Variants in NFIA observed in about 807,000 individuals in gnomAD.
NFIA encodes the protein nuclear factor 1 A-type.
Under a neutral mutation model 62.8 loss-of-function variants are expected in NFIA, and 8 were observed. The ratio of observed to expected loss-of-function variants is 0.13; its 90% CI spans 0.07 to 0.23. The LOEUF is 0.23. Ranked by LOEUF, NFIA falls within the 10% of genes least tolerant of loss-of-function variation. The probability of loss-of-function intolerance (pLI) is 1.00; values close to 1 mark genes in which losing one functional copy is unlikely to be tolerated. For missense variants in NFIA, 410 were observed against 642.1 expected (o/e 0.64, Z 3.91); for synonymous variants, 235 against 238.1 (o/e 0.99, Z 0.12).
chr1:61,083,284 C>T (rs1483306432), intron 1 of NFIA, among the ~76,000 whole-genome samples: 1 of 152,142 alleles, frequency 6.6e-6, no homozygotes, highest in East Asian at 1.9e-4. Context: ...ACCGCTCACC[C>T]CGCACGCTCG....
intron 4 of NFIA, among the ~76,000 whole-genome samples, chr1:61,334,650 A>T (rs1182089771): frequency 6.8e-6 from 1 of 146,752 alleles, no homozygotes; most frequent in African/African-American, 2.5e-5. Context: ...ATTATAGGAA[A>T]ATACATTCAT....
intron 2 of NFIA, among the ~76,000 whole-genome samples, chr1:61,228,454 G>T (rs946297710): frequency 6.6e-6 from 1 of 152,196 alleles, no homozygotes; most frequent in Non-Finnish European, 1.5e-5. Context: ...CTGGGCTTCA[G>T]TATTGAACAC....
intron 2 of NFIA, among the ~76,000 whole-genome samples, chr1:61,203,616 C>G (rs184859102): frequency 6.6e-6 from 1 of 152,106 alleles, no homozygotes; most frequent in Non-Finnish European, 1.5e-5. Flanking sequence ...TTCTTCCTCT[C>G]CCTTCTACCC....
At chr1:61,156,736 G>C (rs1265467011) in intron 2 of NFIA, among the ~76,000 whole-genome samples, 1 of 152,206 alleles carries the variant, frequency 6.6e-6, no homozygotes, top group Non-Finnish European at 1.5e-5. Flanking sequence ...TGCCATCATT[G>C]TTCTAAAACA....
chr1:61,437,900 A>G (rs1462930625), intron 10 of NFIA, among the ~76,000 whole-genome samples: 1 of 152,200 alleles, frequency 6.6e-6, no homozygotes, highest in Non-Finnish European at 1.5e-5. Flanking sequence ...ACATTAGATC[A>G]GAGTCTAGTC....
At chr1:61,284,892 T>C (rs1658386881) in intron 3 of NFIA, among the ~76,000 whole-genome samples, 1 of 146,964 alleles carries the variant, frequency 6.8e-6, no homozygotes, top group Non-Finnish European at 1.5e-5. Flanking sequence ...CTGACTCTTA[T>C]CCCAGGAGAG....
chr1:61,213,336 C>T (rs186771432), intron 2 of NFIA, among the ~76,000 whole-genome samples: 2 of 152,214 alleles, frequency 1.3e-5, no homozygotes, highest in African/African-American at 2.4e-5. Flanking sequence ...ATATAGATGA[C>T]GTGTGAATGT....
intron 6 of NFIA, among the ~76,000 whole-genome samples, chr1:61,368,556 A>G (rs1663719054): frequency 6.6e-6 from 1 of 152,242 alleles, no homozygotes; most frequent in Non-Finnish European, 1.5e-5. Context: ...AACATTGAGG[A>G]CAATAAAACA....
intron 2 of NFIA, among the ~76,000 whole-genome samples, chr1:61,165,873 G>A (rs550554030): frequency 2.6e-5 from 4 of 152,244 alleles, no homozygotes; most frequent in South Asian, 2.1e-4. Flanking sequence ...AATCCAATAC[G>A]TAATCACTTT....
intron 2 of NFIA, among the ~76,000 whole-genome samples, chr1:61,134,984 A>T (rs902683348): frequency 6.6e-6 from 1 of 152,262 alleles, no homozygotes; most frequent in African/African-American, 2.4e-5. Context: ...AGATGGCGTC[A>T]TTAGGACAAT....
At chr1:61,080,425 T>C (rs1646081587), upstream of NFIA, among the ~76,000 whole-genome samples, 1 of 152,190 alleles carries the variant, frequency 6.6e-6, no homozygotes, top group Non-Finnish European at 1.5e-5. Flanking sequence ...AAAGAAAGAT[T>C]TTAATCTGCT....
intron 2 of NFIA, among the ~76,000 whole-genome samples, chr1:61,267,364 G>C (rs1297003299): frequency 6.6e-6 from 1 of 150,832 alleles, no homozygotes. Context: ...ACAAAAATTA[G>C]CTGGGCGTGG....
At chr1:61,333,331 T>C (rs1268948839) in intron 4 of NFIA, among the ~76,000 whole-genome samples, 1 of 152,138 alleles carries the variant, frequency 6.6e-6, no homozygotes, top group Non-Finnish European at 1.5e-5. Context: ...AAAGAAACAT[T>C]TTCATTTCAG....
At chr1:61,346,202 T>C (rs889796804) in intron 4 of NFIA, among the ~76,000 whole-genome samples, 6 of 152,130 alleles carry the variant, frequency 3.9e-5, no homozygotes, top group Non-Finnish European at 8.8e-5. Flanking sequence ...GGAGCAAAAC[T>C]GGATTTCACA....
chr1:61,450,913 CT>C (rs1261007023), intron 10 of NFIA, among the ~76,000 whole-genome samples: 1 of 152,166 alleles, frequency 6.6e-6, no homozygotes, highest in African/African-American at 2.4e-5. Flanking sequence ...ATCCTGCCCT[CT>C]TAGTAAAAAG....
chr1:61,289,551 T>C (rs1658731443), intron 3 of NFIA, among the ~76,000 whole-genome samples: 1 of 152,218 alleles, frequency 6.6e-6, no homozygotes, highest in African/African-American at 2.4e-5. Flanking sequence ...AAGAATGGAA[T>C]TCAAACTCTG....
chr1:61,157,685 C>T (rs971047509), intron 2 of NFIA, among the ~76,000 whole-genome samples: 1 of 152,142 alleles, frequency 6.6e-6, no homozygotes, highest in African/African-American at 2.4e-5. Context: ...TTTTCTTTTA[C>T]TCTGTAACCG....
At chr1:61,146,636 T>C (rs1320758330) in intron 2 of NFIA, among the ~76,000 whole-genome samples, 1 of 152,232 alleles carries the variant, frequency 6.6e-6, no homozygotes, top group Admixed American at 6.5e-5. Context: ...TTTGTGATTC[T>C]GTGTCACGCT....
intron 2 of NFIA, among the ~76,000 whole-genome samples, chr1:61,101,300 C>A (rs1646504165): frequency 6.7e-6 from 1 of 150,208 alleles, no homozygotes; most frequent in African/African-American, 2.4e-5. Flanking sequence ...GAGGCCGAGG[C>A]AGGAGAATCG....
Sources: allele counts gnomAD v4.1 joint callset (sites outside exome capture counted in the v4.1 genomes callset), GRCh38; gene constraint gnomAD v4.1.1; transcripts MANE v1.5; gene names NCBI Gene and HGNC (gene_info 2026-07-23, HGNC 2026-07-21).